The following NKAIN3 variants were observed in gnomAD, a reference collection of about 807,000 sequenced individuals.
NKAIN3 encodes sodium/potassium transporting ATPase interacting 3, also known as sodium/potassium-transporting ATPase subunit beta-1-interacting protein 3.
A neutral mutation model predicts 30.2 loss-of-function variants in NKAIN3; 25 were observed. The observed-to-expected ratio is 0.83, with a 90% CI of 0.60 to 1.16. The LOEUF (loss-of-function observed/expected upper bound fraction) is 1.16, where lower values mean the gene tolerates loss of function less well. NKAIN3 is among the 50% of genes most tolerant of loss of function. The probability of loss-of-function intolerance (pLI) is 0.00; values close to 1 mark genes in which losing one functional copy is unlikely to be tolerated. For synonymous variants in NKAIN3, 91 were observed against 89.6 expected (o/e 1.02, Z -0.09); for missense variants, 225 against 254.1 (o/e 0.89, Z 0.78).
intron 1 of NKAIN3, among the ~76,000 whole-genome samples, chr8:62,577,987 A>T (rs1810169803): frequency 6.6e-6 from 1 of 152,090 alleles, no homozygotes; most frequent in Non-Finnish European, 1.5e-5. Context: ...AATTAAAGCT[A>T]TTCAAGCATA....
At chr8:62,321,824 C>A (rs542003259) in intron 1 of NKAIN3, among the ~76,000 whole-genome samples, 162 of 152,266 alleles carry the variant, frequency 1.1e-3, no homozygotes, top group African/African-American at 3.6e-3. Context: ...TCTCCAGCTG[C>A]GTGCTGGGAG....
intron 1 of NKAIN3, among the ~76,000 whole-genome samples, chr8:62,562,923 G>C (rs544944926): frequency 6.6e-6 from 1 of 152,030 alleles, no homozygotes; most frequent in Non-Finnish European, 1.5e-5. Context: ...CTTTTGGCCC[G>C]TAACCCTGTC....
intron 4 of NKAIN3, among the ~76,000 whole-genome samples, chr8:62,850,284 C>T (rs967995775): frequency 2.0e-5 from 3 of 152,028 alleles, no homozygotes; most frequent in African/African-American, 7.2e-5. Flanking sequence ...GGTCCTTCAC[C>T]CACTTTTTGA....
intron 1 of NKAIN3, among the ~76,000 whole-genome samples, chr8:62,570,367 T>A (rs144775706): frequency 6.6e-6 from 1 of 152,182 alleles, no homozygotes. Context: ...ATTCATCATA[T>A]ATGGGTGTAT....
In NKAIN3 at chr8:62,286,339, T is replaced by G. The variant is rs185964814; in HGVS notation, c.54+37212T>G. Among the ~76,000 whole-genome samples the G allele has an allele frequency of 2.5e-4, 38 of 152,216 alleles. 1 individual carries two copies. The East Asian group carries it at 5.6e-3, about 22-fold the overall frequency. On this transcript the variant is annotated intron_variant, in intron 1 of 6. Coordinates refer to ENST00000623646, the MANE Select transcript of NKAIN3 (RefSeq NM_001304533.3). ...TACATAAAGACGTGGTGAAATATAG[T>G]GGTTAGCATCCTTGACTCTTTTGTA...
At chr8:62,697,445 A>G (rs1814196447) in intron 3 of NKAIN3, among the ~76,000 whole-genome samples, 1 of 152,090 alleles carries the variant, frequency 6.6e-6, no homozygotes, top group Non-Finnish European at 1.5e-5. Flanking sequence ...CTCAAGTGTT[A>G]CTTTCTCAAT....
chr8:62,567,238 T>C (rs914370578), intron 1 of NKAIN3, among the ~76,000 whole-genome samples: 3 of 152,014 alleles, frequency 2.0e-5, no homozygotes, highest in Non-Finnish European at 4.4e-5. Context: ...TTAGCTCAGA[T>C]GTGGTTTTCT....
At chr8:62,362,615 G>A (rs1585723743) in intron 1 of NKAIN3, among the ~76,000 whole-genome samples, 1 of 152,176 alleles carries the variant, frequency 6.6e-6, no homozygotes. Flanking sequence ...ACACCACAAG[G>A]TAGTGATACC....
At chr8:62,404,141 C>T (rs1803982868) in intron 1 of NKAIN3, among the ~76,000 whole-genome samples, 1 of 152,202 alleles carries the variant, frequency 6.6e-6, no homozygotes, top group Admixed American at 6.5e-5. Context: ...GGTGTATTTA[C>T]CCAATGCCTG....
intron 1 of NKAIN3, among the ~76,000 whole-genome samples, chr8:62,543,845 G>A (rs1170534138): frequency 1.3e-5 from 2 of 152,124 alleles, no homozygotes; most frequent in African/African-American, 2.4e-5. Context: ...CCAAGGGTTT[G>A]TAAGGTTGTT....
At chr8:62,505,652 T>C (rs1401903372) in intron 1 of NKAIN3, among the ~76,000 whole-genome samples, 1 of 152,164 alleles carries the variant, frequency 6.6e-6, no homozygotes, top group Non-Finnish European at 1.5e-5. Context: ...GTTGATCTTT[T>C]TTCAAATACT....
chr8:62,439,201 G>A (rs1805254089), intron 1 of NKAIN3, among the ~76,000 whole-genome samples: 1 of 152,180 alleles, frequency 6.6e-6, no homozygotes, highest in Admixed American at 6.5e-5. Flanking sequence ...TGGCACAACT[G>A]GTGAGAGATG....
At chr8:62,299,676 C>G (rs761330482) in intron 1 of NKAIN3, among the ~76,000 whole-genome samples, 1 of 152,020 alleles carries the variant, frequency 6.6e-6, no homozygotes, top group Non-Finnish European at 1.5e-5. Flanking sequence ...AAAGGAACAC[C>G]TCTCTGTGTA....
rs1192960945 is a variant in NKAIN3 at position 62,312,647 on chromosome 8, A to G, written c.54+63520A>G. Among the ~76,000 whole-genome samples the G allele has an allele frequency of 1.4e-5, 2 of 142,058 alleles. 1 individual carries two copies. Among genetic ancestry groups the G allele is most frequent in the African/African-American group, 6.3e-5 (2 of 31,994 alleles). 93.2% of individuals were successfully genotyped at this position (142,058 alleles called of 152,430 possible). ...AGCGTGGGCAACATAGTGAAACCCT[A>G]TTGCTACAAAAAATACAAAATTAGC... is the stretch of plus-strand genomic sequence containing the variant. On this transcript the variant is annotated intron_variant, in intron 1 of 6. Transcript: ENST00000623646.
chr8:62,499,385 ATAGTAACTGTATTT>A (rs1205040926), intron 1 of NKAIN3, among the ~76,000 whole-genome samples: 1 of 152,060 alleles, frequency 6.6e-6, no homozygotes, highest in Non-Finnish European at 1.5e-5. Context: ...AGGTCTGGAG[ATAGTAACTGTATTT>A]TCTGTTCTTT....
At chr8:62,621,509 T>G (rs1366552506) in intron 3 of NKAIN3, among the ~76,000 whole-genome samples, 1 of 152,122 alleles carries the variant, frequency 6.6e-6, no homozygotes, top group African/African-American at 2.4e-5. Context: ...ATATATGCTT[T>G]CTTTAAATGT....
chr8:62,859,634 G>A (rs1820181788), intron 4 of NKAIN3, among the ~76,000 whole-genome samples: 1 of 151,674 alleles, frequency 6.6e-6, no homozygotes, highest in Non-Finnish European at 1.5e-5. Context: ...GTGTGTGTGT[G>A]CTTACATTGC....
chr8:62,754,435 A>G (rs955116191), intron 4 of NKAIN3, among the ~76,000 whole-genome samples: 5 of 152,098 alleles, frequency 3.3e-5, no homozygotes, highest in Non-Finnish European at 7.4e-5. Context: ...AAAAATCCTA[A>G]TCTCCAAACT....
In NKAIN3 at chr8:62,937,700, G is replaced by C. The variant is rs181403354; in HGVS notation, c.533-16202G>C. Among the ~76,000 whole-genome samples the C allele has an allele frequency of 2.6e-5, 4 of 152,150 alleles. No individual in the cohort carries two copies. The East Asian group carries it at 7.7e-4, about 29-fold the overall frequency. On this transcript the variant is annotated intron_variant, in intron 5 of 6. Transcript: ENST00000623646. The stretch of plus-strand genomic sequence containing the variant: ...TCCTGGACAGAATCTGTAGTGGGGG[G>C]GCAAAAGGGAAGTACAGATACAACC...
Sources: allele counts gnomAD v4.1 joint callset (sites outside exome capture counted in the v4.1 genomes callset), GRCh38; gene constraint gnomAD v4.1.1; transcripts MANE v1.5; gene names NCBI Gene and HGNC (gene_info 2026-07-23, HGNC 2026-07-21).